The following FOXP1 variants were observed in gnomAD, a reference collection of about 807,000 sequenced individuals.
FOXP1 encodes forkhead box protein P1.
A neutral mutation model predicts 98.2 loss-of-function variants in FOXP1; 15 were observed. That is an observed-to-expected ratio of 0.15 (90% CI 0.10 to 0.24). FOXP1 has a LOEUF of 0.24. FOXP1 is among the 10% of genes least tolerant of loss of function. The pLI is 1.00. For missense variants in FOXP1, 633 were observed against 848.5 expected (o/e 0.75, Z 3.15); for synonymous variants, 371 against 314.5 (o/e 1.18, Z -1.90).
At chr3:71,491,171 A>T (rs559614257) in intron 3 of FOXP1, among the ~76,000 whole-genome samples, 2 of 152,064 alleles carry the variant, frequency 1.3e-5, no homozygotes, top group East Asian at 3.9e-4. Context: ...ACCCACCACC[A>T]CGCCCAGCTA....
chr3:71,112,520 G>T lies in FOXP1; in HGVS notation c.282+16C>A, dbSNP rs1160529352. The T allele has an allele frequency of 9.4e-6, 15 of 1,591,442 alleles. No individual in the cohort carries two copies. Among genetic ancestry groups the T allele is most frequent in the Non-Finnish European group, 1.3e-5 (15 of 1,159,644 alleles). On this transcript the variant is annotated intron_variant, in intron 7 of 20. Coordinates refer to ENST00000649528, the MANE Select transcript of FOXP1 (RefSeq NM_001349338.3). ...AAAGGGTATAATGTCAATTTAAAAA[G>T]AAAAAGAATTGTTACCTGAAGAGCT... is the stretch of plus-strand genomic sequence containing the variant.
chr3:71,079,306 C>A (rs1358247129), intron 7 of FOXP1, among the ~76,000 whole-genome samples: 1 of 152,188 alleles, frequency 6.6e-6, no homozygotes, highest in East Asian at 1.9e-4. Flanking sequence ...TCATTCCTCA[C>A]TAATTGTCAC....
At chr3:70,960,980 C>CT (rs1256723147) in intron 20 of FOXP1, among the ~76,000 whole-genome samples, 1 of 151,066 alleles carries the variant, frequency 6.6e-6, no homozygotes, top group African/African-American at 2.4e-5. Context: ...TAAGCTGGGA[C>CT]TATAGGCACC....
intron 5 of FOXP1, among the ~76,000 whole-genome samples, chr3:71,237,123 T>C (rs888371192): frequency 6.8e-6 from 1 of 146,778 alleles, no homozygotes; most frequent in Non-Finnish European, 1.5e-5. Context: ...TCCCAGCCAC[T>C]TGGGAGGCTG....
At chr3:71,177,685 G>A (rs1462909149) in intron 6 of FOXP1, among the ~76,000 whole-genome samples, 2 of 152,082 alleles carry the variant, frequency 1.3e-5, no homozygotes, top group African/African-American at 4.8e-5. Context: ...TTAGCTCACA[G>A]GGTGCTTGTG....
At chr3:71,033,060 T>C (rs1268847123) in intron 11 of FOXP1, among the ~76,000 whole-genome samples, 6 of 152,118 alleles carry the variant, frequency 3.9e-5, no homozygotes, top group African/African-American at 1.4e-4. Context: ...TTCTCACTCT[T>C]CTCCTGCCAC....
intron 12 of FOXP1, among the ~76,000 whole-genome samples, chr3:71,013,505 C>G (rs2043971712): frequency 6.6e-6 from 1 of 152,118 alleles, no homozygotes; most frequent in Non-Finnish European, 1.5e-5. Context: ...AAAGAGGATA[C>G]AAACAAATGG....
chr3:71,489,242 T>C (rs2106968129), intron 3 of FOXP1, among the ~76,000 whole-genome samples: 1 of 152,330 alleles, frequency 6.6e-6, no homozygotes, highest in Non-Finnish European at 1.5e-5. Flanking sequence ...TTTTTGTCTC[T>C]TCCTAGTAAG....
chr3:71,125,743 T>G (rs1297663615), intron 6 of FOXP1, among the ~76,000 whole-genome samples: 1 of 152,202 alleles, frequency 6.6e-6, no homozygotes, highest in Non-Finnish European at 1.5e-5. Context: ...ATGGGGGAAT[T>G]ACTGACCCTG....
intron 3 of FOXP1, among the ~76,000 whole-genome samples, chr3:71,479,364 T>C (rs1040004308): frequency 3.3e-5 from 5 of 152,128 alleles, no homozygotes; most frequent in Admixed American, 1.3e-4. Flanking sequence ...ATGATGGAGA[T>C]AGGTTTGTCA....
At chr3:71,232,582 C>T (rs935934275) in intron 5 of FOXP1, among the ~76,000 whole-genome samples, 3 of 151,628 alleles carry the variant, frequency 2.0e-5, no homozygotes, top group African/African-American at 7.3e-5. Context: ...AGAATAGAAA[C>T]TCCGACAAAA....
chr3:71,539,180 T>C (rs192796137), intron 2 of FOXP1, among the ~76,000 whole-genome samples: 2,508 of 38,632 alleles, frequency 0.065, 10 homozygotes, highest in African/African-American at 0.1. Context: ...GGCGCAATCT[T>C]GGCTCACTGC....
chr3:71,284,380 C>G (rs1397072240), intron 5 of FOXP1, among the ~76,000 whole-genome samples: 1 of 152,084 alleles, frequency 6.6e-6, no homozygotes, highest in Non-Finnish European at 1.5e-5. Flanking sequence ...GCCTGGGCAA[C>G]ATGGCAGAAA....
chr3:71,528,695 T>C (rs1164750255), intron 2 of FOXP1, among the ~76,000 whole-genome samples: 2 of 152,110 alleles, frequency 1.3e-5, no homozygotes, highest in African/African-American at 2.4e-5. Context: ...GCTGGACTAC[T>C]TGAACAAGAA....
chr3:71,183,377 C>A (rs2062448010), intron 6 of FOXP1, among the ~76,000 whole-genome samples: 2 of 152,014 alleles, frequency 1.3e-5, no homozygotes, highest in Admixed American at 6.6e-5. Context: ...CGCGAGCCTG[C>A]AATCCCAGCT....
chr3:71,303,118 GCT>G, intron 4 of FOXP1, among the ~76,000 whole-genome samples: 1 of 152,154 alleles, frequency 6.6e-6, no homozygotes, highest in Non-Finnish European at 1.5e-5. Flanking sequence ...AAGAGTATCA[GCT>G]CTTTTTTTCC....
At chr3:71,010,158 A>G (rs769045735) in intron 12 of FOXP1, among the ~76,000 whole-genome samples, 2 of 152,128 alleles carry the variant, frequency 1.3e-5, no homozygotes, top group Non-Finnish European at 2.9e-5. Context: ...TTCAAAGAAC[A>G]TATTAATAAT....
intron 3 of FOXP1, among the ~76,000 whole-genome samples, chr3:71,422,897 TTC>T (rs1233259647): frequency 1.3e-5 from 2 of 152,016 alleles, no homozygotes; most frequent in Non-Finnish European, 2.9e-5. Flanking sequence ...CACACACCCC[TTC>T]TTTCATATGG....
chr3:71,221,081 T>C (rs1456234619), intron 5 of FOXP1, among the ~76,000 whole-genome samples: 1 of 152,130 alleles, frequency 6.6e-6, no homozygotes, highest in East Asian at 1.9e-4. Flanking sequence ...GTCTGGGGCC[T>C]GTTAGGAACC....
Sources: gnomAD v4.1 joint callset for allele counts (sites outside exome capture counted in the v4.1 genomes callset) on GRCh38, gnomAD v4.1.1 for gene constraint, MANE v1.5 for transcripts, NCBI Gene and HGNC (gene_info 2026-07-23, HGNC 2026-07-21) for gene names.